ROCK1: variants seen among roughly 807,000 people sequenced by gnomAD.
ROCK1 encodes the protein Rho associated coiled-coil containing protein kinase 1.
In ROCK1, 36 loss-of-function variants were observed where a neutral mutation model predicts 196.8. The observed-to-expected ratio is 0.18, with a 90% confidence interval of 0.14 to 0.24. The LOEUF (loss-of-function observed/expected upper bound fraction) is 0.24. ROCK1 is among the 10% of genes least tolerant of loss of function. ROCK1 has a pLI of 1.00. For synonymous variants in ROCK1, 443 were observed against 515.9 expected (o/e 0.86, Z 1.91); for missense variants, 920 against 1,562.0 (o/e 0.59, Z 6.93).
intron 13 of ROCK1, among the ~76,000 whole-genome samples, chr18:21,010,216 T>C (rs2035804977): frequency 6.6e-6 from 1 of 152,194 alleles, no homozygotes; most frequent in Non-Finnish European, 1.5e-5. Flanking sequence ...TTATCGTTAC[T>C]TGTCCTTCCT....
chr18:21,012,007 G>A (rs184125316), intron 13 of ROCK1, among the ~76,000 whole-genome samples: 2 of 152,132 alleles, frequency 1.3e-5, no homozygotes, highest in South Asian at 2.1e-4. Context: ...GCAGTGGTGC[G>A]CTTGGCTCAC....
At chr18:21,101,164 A>C (rs1460172516) in intron 1 of ROCK1, among the ~76,000 whole-genome samples, 4 of 152,242 alleles carry the variant, frequency 2.6e-5, no homozygotes, top group African/African-American at 9.6e-5. Flanking sequence ...TTAATATGTA[A>C]AAGTTCTACT....
intron 27 of ROCK1, among the ~76,000 whole-genome samples, chr18:20,962,056 G>A (rs2035332654): frequency 6.6e-6 from 1 of 152,000 alleles, no homozygotes; most frequent in South Asian, 2.1e-4. Context: ...ATGACACAAC[G>A]AGGTGGTACT....
chr18:20,958,944 TA>T lies in ROCK1; in HGVS notation c.3512+895del, dbSNP rs2035279105. 6.3e-5 allele frequency among the ~76,000 whole-genome samples: 6 copies of T among 94,916 alleles called. No homozygotes were observed. In the South Asian group the frequency reaches 1.6e-3, roughly 25 times the overall value. The allele number at this position is 94,916 out of a possible 152,430, so 62.3% of individuals were successfully genotyped here. A position where few individuals can be genotyped will look rare whatever the true frequency, so the allele number is the denominator to read the frequency against. On this transcript the variant is annotated intron_variant, in intron 29 of 32. Coordinates refer to ENST00000399799, the MANE Select transcript of ROCK1 (RefSeq NM_005406.3). ...TTTTATATATATATTATATAAAAAATAATATATATATTTTATATAATATATA... is the reference window on the plus strand; with the variant it reads ...TTTTATATATATATTATATAAAAAATATATATATATTTTATATAATATATA...
chr18:20,968,050 T>C, intron 25 of ROCK1, 110 bp from the exon 26 acceptor site: 1 of 1,002,332 alleles, frequency 1.0e-6, no homozygotes, highest in Non-Finnish European at 1.4e-6. Context: ...GTATGAAAAT[T>C]AGGACAACTT....
At chr18:21,076,672 T>TACACAC (rs112541303) in intron 1 of ROCK1, among the ~76,000 whole-genome samples, 263 of 146,258 alleles carry the variant, frequency 1.8e-3, no homozygotes, top group African/African-American at 5.0e-3. Context: ...TCTTGGTACA[T>TACACAC]ACACACACAC....
In ROCK1 at chr18:21,089,244, G is replaced by A. The variant is rs191266379; in HGVS notation, c.94-18631C>T. ...GGCTAATTTTTTTCTATCTTTAGTA[G>A]AGACGGGGTTTCACCATGTTGGCCA... On this transcript the variant is annotated intron_variant, in intron 1 of 32. Transcript: ENST00000399799. Among the ~76,000 whole-genome samples the A allele has an allele frequency of 8.5e-5, 13 of 152,166 alleles. No homozygotes were observed. In the East Asian group the frequency reaches 2.1e-3, roughly 25 times the overall value.
chr18:20,957,429 A>C (rs1178531356), intron 29 of ROCK1, among the ~76,000 whole-genome samples: 1 of 152,222 alleles, frequency 6.6e-6, no homozygotes, highest in East Asian at 1.9e-4. Context: ...AGGCAAAACT[A>C]ATCTTGGCAA....
intron 2 of ROCK1, among the ~76,000 whole-genome samples, chr18:21,059,694 C>T (rs1164424505): frequency 2.0e-5 from 3 of 152,226 alleles, no homozygotes; most frequent in East Asian, 1.9e-4. Flanking sequence ...TAGGTATCTA[C>T]GCAAGAACAA....
chr18:21,077,002 T>C (rs1229280391), intron 1 of ROCK1, among the ~76,000 whole-genome samples: 31 of 138,106 alleles, frequency 2.2e-4, no homozygotes, highest in Admixed American at 2.1e-3. Flanking sequence ...AGTCTCGCTC[T>C]GTCGCCCAGG....
At chr18:20,962,897 G>C (rs148728288) in intron 27 of ROCK1, among the ~76,000 whole-genome samples, 1 of 151,968 alleles carries the variant, frequency 6.6e-6, no homozygotes, top group Non-Finnish European at 1.5e-5. Context: ...CTTCTCCTGC[G>C]TTTCCTTTCC....
intron 1 of ROCK1, among the ~76,000 whole-genome samples, chr18:21,110,575 C>CG: frequency 6.6e-6 from 1 of 152,268 alleles, no homozygotes; most frequent in Admixed American, 6.5e-5. Context: ...AAGTATCTTT[C>CG]GGGTACTCAT....
At chr18:21,057,933 T>A (rs1355194126) in intron 2 of ROCK1, among the ~76,000 whole-genome samples, 2 of 152,210 alleles carry the variant, frequency 1.3e-5, no homozygotes, top group Non-Finnish European at 2.9e-5. Flanking sequence ...GACCAAGATA[T>A]CTACAATAAA....
intron 1 of ROCK1, among the ~76,000 whole-genome samples, chr18:21,080,246 T>C (rs143939648): frequency 6.6e-4 from 101 of 151,974 alleles, no homozygotes; most frequent in African/African-American, 2.4e-3. Context: ...CCACAAGATA[T>C]ACAAAGGAAC....
At chr18:20,996,762 T>C (rs910167283) in intron 16 of ROCK1, among the ~76,000 whole-genome samples, 9 of 152,182 alleles carry the variant, frequency 5.9e-5, no homozygotes, top group South Asian at 2.1e-4. Flanking sequence ...AGATTATAAA[T>C]AGAAGCAACG....
At chr18:21,006,642 GAT>G (rs750482829) in intron 15 of ROCK1, 45 bp from the exon 16 acceptor site, 4 of 1,590,436 alleles carry the variant, frequency 2.5e-6, no homozygotes, top group Non-Finnish European at 3.4e-6. Context: ...ACCAAAGTAC[GAT>G]ATAATTTAAT....
intron 8 of ROCK1, 32 bp from the exon 9 acceptor site, chr18:21,039,595 A>C: frequency 7.0e-7 from 1 of 1,435,144 alleles, no homozygotes; most frequent in Non-Finnish European, 9.8e-7. Flanking sequence ...AAAGTAATCA[A>C]TCATTTAAGA....
intron 4 of ROCK1, 60 bp from the exon 5 acceptor site, chr18:21,045,527 C>A: frequency 7.5e-7 from 1 of 1,328,320 alleles, no homozygotes; most frequent in South Asian, 1.7e-5. Context: ...AATTGTTTCA[C>A]TTAAAAAGTG....
At chr18:21,051,472 G>C (rs191274840) in intron 2 of ROCK1, among the ~76,000 whole-genome samples, 1 of 151,970 alleles carries the variant, frequency 6.6e-6, no homozygotes, top group African/African-American at 2.4e-5. Context: ...GAAAGAACAA[G>C]TGAACAATAT....
Sources: allele counts gnomAD v4.1 joint callset (sites outside exome capture counted in the v4.1 genomes callset), GRCh38; gene constraint gnomAD v4.1.1; transcripts MANE v1.5; gene names NCBI Gene and HGNC (gene_info 2026-07-23, HGNC 2026-07-21).